TAPT1: variants seen among roughly 807,000 people sequenced by gnomAD.
TAPT1 encodes transmembrane anterior posterior transformation protein 1 homolog.
TAPT1 carries 28 observed loss-of-function variants against 65.6 expected under a neutral mutation model. The observed-to-expected ratio is 0.43, with a 90% CI of 0.32 to 0.59. The LOEUF (loss-of-function observed/expected upper bound fraction) is 0.59, where lower values mean the gene tolerates loss of function less well. Ranked by LOEUF, TAPT1 falls within the 20% of genes least tolerant of loss-of-function variation. The pLI is 0.09. For synonymous variants in TAPT1, 278 were observed against 245.2 expected (o/e 1.13, Z -1.25); for missense variants, 563 against 679.9 (o/e 0.83, Z 1.91).
At chr4:16,186,232 T>A (rs1294163761) in intron 7 of TAPT1, among the ~76,000 whole-genome samples, 1 of 152,256 alleles carries the variant, frequency 6.6e-6, no homozygotes, top group Admixed American at 6.5e-5. Flanking sequence ...AATTATTTTC[T>A]GTGTTTCAGT....
intron 1 of TAPT1, among the ~76,000 whole-genome samples, chr4:16,225,057 A>G (rs1177805234): frequency 6.6e-6 from 1 of 152,268 alleles, no homozygotes; most frequent in East Asian, 1.9e-4. Flanking sequence ...GCCAATGAAG[A>G]AAGTAAATAC....
chr4:16,180,563 C>T (rs993674870), intron 7 of TAPT1, among the ~76,000 whole-genome samples: 3 of 152,148 alleles, frequency 2.0e-5, no homozygotes, highest in East Asian at 3.9e-4. Flanking sequence ...TCAGCCATGG[C>T]GCACCTCCTG....
rs1322278542 is a variant in TAPT1 at position 16,188,243 on chromosome 4, A to C, written c.725T>G (p.Phe242Cys). Residue 242 changes from phenylalanine to cysteine, a missense_variant, in exon 5 of 14, where the codon TTT becomes TGT. Physicochemically the swap from Phe to Cys is radical, Grantham distance 205. Around this residue, in one of 5 missense-constraint regions of TAPT1, gnomAD observed 217 missense variants for 317.5 expected, o/e 0.68. Coordinates refer to ENST00000405303, the MANE Select transcript of TAPT1 (RefSeq NM_153365.3). ...KRAHIGVIPH[F>C]FMAVLYVFLH... Reference sequence around the variant, plus strand: ...ACAGACATAGAGAACAGCCATGAAAAAGTGAGGAATCACCCCAATGTGGGC... The same window carrying C: ...ACAGACATAGAGAACAGCCATGAAACAGTGAGGAATCACCCCAATGTGGGC... The C allele has an allele frequency of 5.6e-6, 9 of 1,610,538 alleles. No individual in the cohort carries two copies. The highest frequency in any genetic ancestry group is 1.3e-5 in the African/African-American group (1 of 74,832).
At chr4:16,222,674 C>T (rs1243476348) in intron 1 of TAPT1, among the ~76,000 whole-genome samples, 1 of 152,198 alleles carries the variant, frequency 6.6e-6, no homozygotes, top group African/African-American at 2.4e-5. Context: ...TCGTCCCACT[C>T]GAAATCTTTT....
intron 1 of TAPT1, among the ~76,000 whole-genome samples, chr4:16,223,852 A>G (rs572864115): frequency 6.6e-6 from 1 of 152,346 alleles, no homozygotes; most frequent in Non-Finnish European, 1.5e-5. Flanking sequence ...CCTAATATGT[A>G]CATTCATTTA....
chr4:16,179,113 A>G (rs1411064617), intron 8 of TAPT1: 1 of 152,856 alleles, frequency 6.5e-6, no homozygotes, highest in Non-Finnish European at 1.5e-5. Context: ...ACAGGGATAC[A>G]TTCTGAGAAA....
intron 1 of TAPT1, among the ~76,000 whole-genome samples, chr4:16,223,246 T>C (rs929137564): frequency 6.6e-6 from 1 of 152,182 alleles, no homozygotes; most frequent in Non-Finnish European, 1.5e-5. Flanking sequence ...GTACTTAGAT[T>C]CCTAAATAAA....
intron 11 of TAPT1, among the ~76,000 whole-genome samples, chr4:16,170,955 G>A (rs886740712): frequency 2.6e-5 from 4 of 152,118 alleles, no homozygotes; most frequent in African/African-American, 9.7e-5. Flanking sequence ...AAGCAAATCT[G>A]GGATGCCTGT....
Position 16,226,253 on chromosome 4 carries a change from C to A in TAPT1, c.199+6G>T, listed in dbSNP as rs966537747. 7.1e-6 allele frequency: 8 copies of A among 1,119,796 alleles called. No homozygotes were observed. Among genetic ancestry groups the A allele is most frequent in the African/African-American group, 1.7e-5 (1 of 60,006 alleles). 69.4% of individuals were successfully genotyped at this position (1,119,796 alleles called of 1,614,324 possible). On this transcript the variant is annotated splice_donor_region_variant and intron_variant, in intron 1 of 13. Transcript: ENST00000405303. ...GCCCGCCACGGCCTAGCGCCGCCCG[C>A]CTCACCTGTGCGGCCCCGGCGCCTC...
At chr4:16,220,611 T>A (rs1751199378) in intron 1 of TAPT1, among the ~76,000 whole-genome samples, 2 of 152,042 alleles carry the variant, frequency 1.3e-5, no homozygotes, top group African/African-American at 4.8e-5. Context: ...TTGCTGGGCA[T>A]GGTGGTGCAC....
At chr4:16,221,405 A>T (rs6854115) in intron 1 of TAPT1, among the ~76,000 whole-genome samples, 1 of 151,836 alleles carries the variant, frequency 6.6e-6, no homozygotes, top group Non-Finnish European at 1.5e-5. Context: ...GGATTACAGG[A>T]GTGAGCCACC....
chr4:16,166,633 C>T lies in TAPT1; in HGVS notation c.1474G>A (p.Gly492Ser), dbSNP rs138378020. 7.6e-5 allele frequency: 123 copies of T among 1,613,526 alleles called. No homozygotes were observed. Among genetic ancestry groups the T allele is most frequent in the Non-Finnish European group, 1.0e-4 (119 of 1,179,602 alleles). ...AAGTGAAGAAAGGGACCAAACCTAC[C>T]TTGAGAGGGTTTACATTTGTTCTGT... is the stretch of plus-strand genomic sequence containing the variant. ...KSQNKCKPSQ[G>S]LSTEENLSAS... Residue 492 changes from glycine (G) to serine (S), a missense_variant and splice_region_variant, in exon 13 of 14, where the codon GGC (glycine) becomes AGC (serine). Gly to Ser is a moderately conservative substitution (Grantham distance 56). Around this residue, in one of 5 missense-constraint regions of TAPT1, gnomAD observed 136 missense variants for 153.9 expected, o/e 0.88. Coordinates refer to ENST00000405303, the MANE Select transcript of TAPT1 (RefSeq NM_153365.3).
At chr4:16,187,387 A>C (rs373146971) in intron 5 of TAPT1, among the ~76,000 whole-genome samples, 1 of 152,204 alleles carries the variant, frequency 6.6e-6, no homozygotes, top group African/African-American at 2.4e-5. Flanking sequence ...CTGATAATTA[A>C]GATTCTTCTT....
In TAPT1 at chr4:16,164,619, A is replaced by G. The variant is rs76768442; in HGVS notation, c.1475-1082T>C. Among the ~76,000 whole-genome samples the G allele has an allele frequency of 6.5e-3, 995 of 152,190 alleles. 10 individuals carry two copies. Among genetic ancestry groups the G allele is most frequent in the African/African-American group, 0.022 (917 of 41,510 alleles). ...TTTTGTTTTTATATTTTTTGTAGAG[A>G]TGGGACTCACTAGGTTGCCCAGGCT... On this transcript the variant is annotated intron_variant, in intron 13 of 13. Transcript: ENST00000405303.
intron 3 of TAPT1, among the ~76,000 whole-genome samples, chr4:16,202,160 T>C (rs1438151506): frequency 1.3e-5 from 2 of 152,106 alleles, no homozygotes; most frequent in South Asian, 2.1e-4. Flanking sequence ...ACGTGATAAG[T>C]AGGTCTTTGA....
At chr4:16,208,175 A>T (rs973135530) in intron 2 of TAPT1, among the ~76,000 whole-genome samples, 7 of 152,186 alleles carry the variant, frequency 4.6e-5, no homozygotes, top group African/African-American at 7.2e-5. Context: ...TAATTGTAGA[A>T]TTAAATTAGA....
intron 8 of TAPT1, among the ~76,000 whole-genome samples, chr4:16,177,217 A>G (rs1748388625): frequency 6.6e-6 from 1 of 152,262 alleles, no homozygotes; most frequent in Non-Finnish European, 1.5e-5. Context: ...TTCACAAATT[A>G]TATGAATACA....
At chr4:16,179,796 A>C in intron 7 of TAPT1, 139 bp from the exon 8 acceptor site, 1 of 421,418 alleles carries the variant, frequency 2.4e-6, no homozygotes, top group Non-Finnish European at 4.2e-6. Context: ...CTTTATATAT[A>C]TATATATGTG....
chr4:16,167,328 AT>A, intron 12 of TAPT1, among the ~76,000 whole-genome samples: 1 of 152,020 alleles, frequency 6.6e-6, no homozygotes, highest in Non-Finnish European at 1.5e-5. Context: ...CCATTTAGAA[AT>A]TTTTCCTGGT....
Sources: allele counts gnomAD v4.1 joint callset (sites outside exome capture counted in the v4.1 genomes callset), GRCh38; gene constraint gnomAD v4.1.1; regional missense constraint gnomAD v4.1.1; transcripts MANE v1.5; gene names NCBI Gene and HGNC (gene_info 2026-07-23, HGNC 2026-07-21).